Variants in LRP2 observed in about 807,000 individuals in gnomAD.
LRP2 encodes low-density lipoprotein receptor-related protein 2.
Under a neutral mutation model 531.0 loss-of-function variants are expected in LRP2, and 172 were observed. The ratio of observed to expected loss-of-function variants is 0.32; its 90% confidence interval spans 0.29 to 0.37. The LOEUF is 0.37. Among genes scored for constraint, LRP2 ranks in the 10% least tolerant of loss-of-function variants. The probability of loss-of-function intolerance (pLI) is 1.00; values close to 1 mark genes in which losing one functional copy is unlikely to be tolerated. For synonymous variants in LRP2, 1,992 were observed against 2,027.6 expected, an observed-to-expected ratio of 0.98 and a Z score of 0.47; for missense variants, 5,167 against 5,868.3, an observed-to-expected ratio of 0.88 and a Z score of 3.90.
Position 169,277,768 on chromosome 2 carries a change from A to C in LRP2, c.1749T>G (p.Thr583=). Residue 583 remains threonine (T), a synonymous_variant, in exon 13 of 79, where the codon ACT becomes ACG. Coordinates refer to ENST00000649046, the MANE Select transcript of LRP2 (RefSeq NM_004525.3). ...ACCTTTGAATTCCATCATAAGTTAC[A>C]GTTTCAATGTAATCAAACCGAGAGT... ...WVDSRFDYIE[T]VTYDGIQRKT... is the part of the protein sequence containing the mutation. 1 of 1,614,136 alleles carries C rather than the reference A, an allele frequency of 6.2e-7. No individual in the cohort carries two copies. Among genetic ancestry groups the C allele is most frequent in the Non-Finnish European group, 8.5e-7 (1 of 1,179,982 alleles).
intron 1 of LRP2, among the ~76,000 whole-genome samples, chr2:169,350,188 C>A (rs1365605442): frequency 6.6e-6 from 1 of 152,074 alleles, no homozygotes; most frequent in Non-Finnish European, 1.5e-5. Flanking sequence ...GAGGCTTGAG[C>A]AAGGATGAGG....
At chr2:169,230,341 C>A (rs756500954) in intron 31 of LRP2, among the ~76,000 whole-genome samples, 17 of 152,232 alleles carry the variant, frequency 1.1e-4, no homozygotes, top group Non-Finnish European at 1.9e-4. Context: ...GTGCCAGTCC[C>A]TCTGTGAGAA....
chr2:169,336,921 T>G (rs1223955599), intron 1 of LRP2, among the ~76,000 whole-genome samples: 1 of 152,110 alleles, frequency 6.6e-6, no homozygotes, highest in Non-Finnish European at 1.5e-5. Flanking sequence ...ACTCAACACT[T>G]CACAAAGTTT....
intron 61 of LRP2, among the ~76,000 whole-genome samples, chr2:169,166,336 T>C (rs1472905922): frequency 6.6e-6 from 1 of 152,204 alleles, no homozygotes; most frequent in Non-Finnish European, 1.5e-5. Flanking sequence ...CAATTACAAC[T>C]ATGAAACATC....
In LRP2 at chr2:169,238,164, C is replaced by T. The variant is rs780737593; in HGVS notation, c.4433G>A (p.Gly1478Asp). The change falls in exon 27 of 79, where the codon GGT becomes GAT. Residue 1478 changes from glycine (G) to aspartate (D), a missense_variant. By Grantham distance (94) the Gly-to-Asp change is moderately conservative. Coordinates refer to ENST00000649046, the MANE Select transcript of LRP2 (RefSeq NM_004525.3). ...IVAVDFDSIS[G>D]RIFWSDATQG... ...AGTTGCATCAGACCAAAAGATACGACCACTAATTGAATCAAAATCAACAGC... is the reference window on the plus strand; with the variant it reads ...AGTTGCATCAGACCAAAAGATACGATCACTAATTGAATCAAAATCAACAGC... 1.2e-6 allele frequency: 2 copies of T among 1,614,160 alleles called. No individual in the cohort carries two copies. The highest frequency in any genetic ancestry group is 1.7e-6 in the Non-Finnish European group (2 of 1,180,000).
In LRP2 at chr2:169,152,857, C is replaced by G; in HGVS notation, c.12403G>C (p.Asp4135His). ...TGCATTACGTATTTCAGTTTCAGGT[C>G]AACTTCCTGCACAAGATTATTGCGG... ...SGRNNLVQEV[D>H]LKLKYVMQPD... The change falls in exon 67 of 79, where the codon GAC becomes CAC. Residue 4135 changes from aspartate to histidine, a missense_variant. Physicochemically the swap from Asp to His is moderately conservative, Grantham distance 81 (BLOSUM62 -1). Coordinates refer to ENST00000649046, the MANE Select transcript of LRP2 (RefSeq NM_004525.3). 6.2e-7 allele frequency: 1 copy of G among 1,614,120 alleles called. No individual in the cohort carries two copies.
intron 63 of LRP2, among the ~76,000 whole-genome samples, chr2:169,158,575 T>G (rs576882344): frequency 1.3e-5 from 2 of 151,938 alleles, no homozygotes; most frequent in Non-Finnish European, 2.9e-5. Context: ...GTTATGATTA[T>G]CTACATGATG....
At chr2:169,275,781 C>G (rs1015713700) in intron 13 of LRP2, among the ~76,000 whole-genome samples, 1 of 151,942 alleles carries the variant, frequency 6.6e-6, no homozygotes, top group African/African-American at 2.4e-5. Flanking sequence ...ATGCCACTAC[C>G]ACTCTTATGC....
chr2:169,231,933 C>A, intron 30 of LRP2, 91 bp from the exon 31 acceptor site: 2 of 1,506,002 alleles, frequency 1.3e-6, no homozygotes, highest in Non-Finnish European at 1.8e-6. Context: ...CTTCCAGAGG[C>A]CCCAGTACAG....
intron 4 of LRP2, among the ~76,000 whole-genome samples, chr2:169,299,115 GAA>G (rs1199221744): frequency 0.02 from 1,476 of 74,290 alleles, 100 homozygotes; most frequent in Middle Eastern, 0.048. Context: ...AAGAAAGAAA[GAA>G]AGAAAGAAAG....
chr2:169,317,518 A>T (rs1464164577), intron 3 of LRP2, among the ~76,000 whole-genome samples: 1 of 152,184 alleles, frequency 6.6e-6, no homozygotes, highest in Non-Finnish European at 1.5e-5. Context: ...AAAAAGCTGG[A>T]TAATATTTCT....
In LRP2 at chr2:169,246,676, G is replaced by A. The variant is rs746914919; in HGVS notation, c.3190+29C>T. On this transcript the variant is annotated intron_variant, in intron 21 of 78. Transcript: ENST00000649046. ...GCCCACCTCTACTCTATTCATCCCAGGAAATATCGCCAGTGCATAGCTACT... is the reference window on the plus strand; with the variant it reads ...GCCCACCTCTACTCTATTCATCCCAAGAAATATCGCCAGTGCATAGCTACT... 4 of 1,613,366 alleles carry A rather than the reference G, an allele frequency of 2.5e-6. No individual in the cohort carries two copies. In the African/African-American group the frequency reaches 5.3e-5, roughly 22 times the overall value.
chr2:169,197,627 C>T (rs1157224453), intron 45 of LRP2, among the ~76,000 whole-genome samples: 1 of 152,210 alleles, frequency 6.6e-6, no homozygotes, highest in Non-Finnish European at 1.5e-5. Flanking sequence ...TATGTGGGTG[C>T]ACATCTAATT....
intron 15 of LRP2, 144 bp downstream of exon 15, chr2:169,272,783 C>T: frequency 2.0e-6 from 2 of 979,878 alleles, no homozygotes; most frequent in Non-Finnish European, 3.3e-6. Context: ...GGAAGATGCC[C>T]TGTGGGCTAC....
At chr2:169,237,885 C>T (rs1432269610) in intron 27 of LRP2, among the ~76,000 whole-genome samples, 1 of 152,186 alleles carries the variant, frequency 6.6e-6, no homozygotes, top group Non-Finnish European at 1.5e-5. Flanking sequence ...CAGAATCACA[C>T]ATCTGCATTC....
chr2:169,242,927 C>T (rs1689860823), intron 24 of LRP2, 29 bp downstream of exon 24: 1 of 1,523,900 alleles, frequency 6.6e-7, no homozygotes, highest in African/African-American at 1.4e-5. Flanking sequence ...ACCCCTTTGT[C>T]TGAAACATTC....
At chr2:169,153,778 C>G (rs755286617) in intron 66 of LRP2, among the ~76,000 whole-genome samples, 3 of 152,160 alleles carry the variant, frequency 2.0e-5, no homozygotes, top group Non-Finnish European at 2.9e-5. Flanking sequence ...TTTTCTGACT[C>G]CTACCCTACT....
rs1483703995 is a variant in LRP2 at position 169,201,913 on chromosome 2, A to G, written c.8210-43T>C. On this transcript the variant is annotated intron_variant, in intron 43 of 78. Coordinates refer to ENST00000649046, the MANE Select transcript of LRP2 (RefSeq NM_004525.3). ...ATGAGAACAAACCCTCTTGATTAAA[A>G]CATTATCCTAATTTTTAAAAAGATA... 8 of 1,611,584 alleles carry G rather than the reference A, an allele frequency of 5.0e-6. No individual in the cohort carries two copies. The South Asian group carries it at 7.7e-5, about 16-fold the overall frequency.
At chr2:169,138,865 G>A (rs1049311364) in intron 74 of LRP2, among the ~76,000 whole-genome samples, 159 bp from the exon 75 acceptor site, 1 of 152,254 alleles carries the variant, frequency 6.6e-6, no homozygotes, top group Admixed American at 6.5e-5. Context: ...GTCAAATATG[G>A]TAGTAAGTTC....
Sources: allele counts gnomAD v4.1 joint callset (sites outside exome capture counted in the v4.1 genomes callset), GRCh38; gene constraint gnomAD v4.1.1; transcripts MANE v1.5; gene names NCBI Gene and HGNC (gene_info 2026-07-23, HGNC 2026-07-21).